NEB: variants seen among roughly 807,000 people sequenced by gnomAD.
NEB encodes nemaline myopathy type 2.
NEB carries 512 observed loss-of-function variants against 952.2 expected under a neutral mutation model. That is an observed-to-expected ratio of 0.54 (90% confidence interval 0.50 to 0.58). NEB has a LOEUF of 0.58. Among genes scored for constraint, NEB ranks in the 20% least tolerant of loss-of-function variants. The pLI, the probability that NEB is intolerant of heterozygous loss-of-function variation, is 0.00. For missense variants in NEB, 8,428 were observed against 9,231.1 expected, an observed-to-expected ratio of 0.91 and a Z score of 3.56; for synonymous variants, 2,900 against 3,149.8, an observed-to-expected ratio of 0.92 and a Z score of 2.66.
In NEB at chr2:151,526,239, G is replaced by A. The variant is rs554809115; in HGVS notation, c.21969C>T (p.Val7323=). The part of the protein sequence containing the change: ...ESDLKYKEKH[V]KERGTCHAVP... ...CGGCATGGCAGGTTCCTCTTTCCTT[G>A]ACATGTTTCTCTTTGTATTTCAGCT... The change falls in exon 149 of 182, where the codon GTC becomes GTT. Residue 7323 remains valine, a synonymous_variant. Coordinates refer to ENST00000397345, the MANE Select transcript of NEB (RefSeq NM_001164508.2). 1.2e-5 allele frequency: 19 copies of A among 1,612,534 alleles called. No individual in the cohort carries two copies. The South Asian group carries it at 1.2e-4, about 10-fold the overall frequency.
chr2:151,497,976 C>G (rs2061441950), intron 170 of NEB: 2 of 1,436,000 alleles, frequency 1.4e-6, no homozygotes, highest in East Asian at 2.5e-5. Flanking sequence ...AGTACGGTGC[C>G]TCCTAAACAA....
At chr2:151,499,965 TA>T (rs1277002758) in intron 168 of NEB, among the ~76,000 whole-genome samples, 3 of 152,142 alleles carry the variant, frequency 2.0e-5, no homozygotes, top group Non-Finnish European at 4.4e-5. Flanking sequence ...ATGGTTACTT[TA>T]AAAAAAGTCC....
intron 77 of NEB, 104 bp from the exon 78 acceptor site, chr2:151,612,493 T>C (rs1579285901): frequency 8.6e-7 from 1 of 1,157,288 alleles, no homozygotes; most frequent in East Asian, 2.6e-5. Flanking sequence ...GAATCTTATT[T>C]GTGTAAATTT....
At chr2:151,649,052 G>T (rs1228310105) in intron 54 of NEB, among the ~76,000 whole-genome samples, 1 of 152,108 alleles carries the variant, frequency 6.6e-6, no homozygotes, top group Non-Finnish European at 1.5e-5. Flanking sequence ...TTCTCATTTG[G>T]TCACCTTATT....
rs777055902 is a variant in NEB, at chr2:151,655,282, T to C, written c.6795A>G (p.Thr2265=). ...TATATAAATTTACCTGACTATACAG[T>C]GTTTGATTCTGCTTGGCTTGTAAAA... ...PDILQAKQNQ[T]LYSQKLYKLG... is the part of the protein sequence containing the mutation. The change falls in exon 51 of 182, where the codon ACA becomes ACG. Residue 2265 remains threonine, a synonymous_variant. Coordinates refer to ENST00000397345, the MANE Select transcript of NEB (RefSeq NM_001164508.2). 2.6e-6 allele frequency: 4 copies of C among 1,565,776 alleles called. No homozygotes were observed. The East Asian group carries it at 9.0e-5, about 35-fold the overall frequency.
chr2:151,497,393 T>TA (rs1488196784), intron 171 of NEB: 10 of 978,602 alleles, frequency 1.0e-5, no homozygotes, highest in Non-Finnish European at 1.2e-5. Context: ...CTCATTATTT[T>TA]AAAAAAAAGA....
At chr2:151,657,772 G>A (rs190106012) in intron 48 of NEB, among the ~76,000 whole-genome samples, 5 of 152,260 alleles carry the variant, frequency 3.3e-5, no homozygotes, top group Admixed American at 3.3e-4. Context: ...CATGAGTCAG[G>A]GAGCTGACAT....
In NEB at chr2:151,569,300, G is replaced by C. The variant is rs749780816; in HGVS notation, c.17503C>G (p.His5835Asp). ...AAGATGTCCGCGGCATGTTTGGCAT[G>C]ATTGACGGACACGGAGTCATTTGGC... ...WMPNDSVSVN[H>D]AKHAADIFSE... The change falls in exon 110 of 182, where the codon CAT becomes GAT. Residue 5835 changes from histidine to aspartate, a missense_variant. His to Asp is a moderately conservative substitution (Grantham distance 81). Around this residue, in one of 11 missense-constraint regions of NEB, gnomAD observed 3,374 missense variants for 3,651.5 expected, o/e 0.92. Coordinates refer to ENST00000397345, the MANE Select transcript of NEB (RefSeq NM_001164508.2). 2.5e-6 allele frequency: 4 copies of C among 1,613,920 alleles called. No homozygotes were observed. The Admixed American group carries it at 6.7e-5, about 27-fold the overall frequency.
At position 151,537,942 on chromosome 2, in the gene NEB, C is replaced by A; in HGVS notation, c.21032G>T (p.Gly7011Val). ...ACGATCAGGAATGGACCTCCAGATA[C>A]CCAACTGGCTCATGTAGTTCTCCTT... ...KYKENYMSQL[G>V]IWRSIPDRPE... The change falls in exon 140 of 182, where the codon GGT (glycine) becomes GTT (valine). Residue 7011 changes from glycine to valine, a missense_variant. Gly to Val is a moderately radical substitution (Grantham distance 109). This residue lies in a region of NEB where 3,374 missense variants were observed against 3,651.5 expected (regional missense o/e 0.92). Transcript: ENST00000397345. The A allele has an allele frequency of 6.2e-7, 1 of 1,613,438 alleles. No homozygotes were observed. Among genetic ancestry groups the A allele is most frequent in the Non-Finnish European group, 8.5e-7 (1 of 1,179,570 alleles).
rs758674971 is a variant in NEB, at chr2:151,697,273, G to T, written c.1366-21C>A. ...TTTTTCTATGAGGAGAAGAAATTAGGCATAAGATGCAGCCATTGTATTCAT... is the reference window on the plus strand; with the variant it reads ...TTTTTCTATGAGGAGAAGAAATTAGTCATAAGATGCAGCCATTGTATTCAT... On this transcript the variant is annotated intron_variant, in intron 15 of 181. Coordinates refer to ENST00000397345, the MANE Select transcript of NEB (RefSeq NM_001164508.2). 5 of 1,609,950 alleles carry T rather than the reference G, an allele frequency of 3.1e-6. No homozygotes were observed. The African/African-American group carries it at 6.7e-5, about 22-fold the overall frequency.
Position 151,663,585 on chromosome 2 carries a change from A to C in NEB, c.5726T>G (p.Phe1909Cys). The change falls in exon 45 of 182, where the codon TTT becomes TGT. Residue 1909 changes from phenylalanine to cysteine, a missense_variant. By Grantham distance (205) the Phe-to-Cys change is radical. Transcript: ENST00000397345. ...TYNMLPDAMSFELAKNMMQIQ... is the reference protein window; with the variant it reads ...TYNMLPDAMSCELAKNMMQIQ... ...CTGCATCATATTTTTGGCCAATTCAAAGCTCATGGCATCAGGAAGCATGTT... is the reference window on the plus strand; with the variant it reads ...CTGCATCATATTTTTGGCCAATTCACAGCTCATGGCATCAGGAAGCATGTT... 6.2e-7 allele frequency: 1 copy of C among 1,612,424 alleles called. No homozygotes were observed. The highest frequency in any genetic ancestry group is 8.5e-7 in the Non-Finnish European group (1 of 1,178,634).
At chr2:151,670,137 G>A (rs1434722732) in intron 38 of NEB, among the ~76,000 whole-genome samples, 1 of 152,126 alleles carries the variant, frequency 6.6e-6, no homozygotes, top group African/African-American at 2.4e-5. Context: ...ATCTCGCTCA[G>A]TACAAAAGAA....
intron 124 of NEB, among the ~76,000 whole-genome samples, chr2:151,559,862 C>A (rs1386905196): frequency 6.6e-6 from 1 of 152,094 alleles, no homozygotes; most frequent in Non-Finnish European, 1.5e-5. Context: ...ATGGGTGCAG[C>A]AAACCACCAT....
At chr2:151,639,445 T>G in intron 62 of NEB, 61 bp from the exon 63 acceptor site, 3 of 1,223,022 alleles carry the variant, frequency 2.5e-6, no homozygotes, top group Non-Finnish European at 3.3e-6. Flanking sequence ...TAATAGGAAT[T>G]TTAGGGCCAC....
At chr2:151,638,694 ACT>A (rs1560810370) in intron 63 of NEB, among the ~76,000 whole-genome samples, 5 of 151,598 alleles carry the variant, frequency 3.3e-5, no homozygotes. Flanking sequence ...TGGAGGCTTG[ACT>A]CTCTGCCTAA....
In NEB at chr2:151,531,823, C is replaced by T. The variant is rs16830171; in HGVS notation, c.21491G>A (p.Arg7164His). 599 of 1,612,914 alleles carry T rather than the reference C, an allele frequency of 3.7e-4. 10 individuals carry two copies. In the South Asian group the frequency reaches 5.3e-3, roughly 14 times the overall value. ...TSIVDTPEHL[R>H]TTKVNKQISD... is the part of the protein sequence containing the mutation. ...GATTTGTTTGTTGACTTTTGTAGTA[C>T]GCAGGTGTTCTGGAGTATCCACAAT... Residue 7164 changes from arginine to histidine, a missense_variant, in exon 144 of 182, where the codon CGT (arginine) becomes CAT (histidine). By Grantham distance (29) the Arg-to-His change is conservative. Coordinates refer to ENST00000397345, the MANE Select transcript of NEB (RefSeq NM_001164508.2).
chr2:151,675,533 C>T lies in NEB; in HGVS notation c.3775-142G>A, dbSNP rs2154200105. 4.9e-6 allele frequency: 3 copies of T among 606,784 alleles called. No homozygotes were observed. In the African/African-American group the frequency reaches 5.6e-5, roughly 11 times the overall value. The allele number at this position is 606,784 out of a possible 1,614,324, so 37.6% of individuals were successfully genotyped here. On this transcript the variant is annotated intron_variant, in intron 34 of 181. Coordinates refer to ENST00000397345, the MANE Select transcript of NEB (RefSeq NM_001164508.2). ...CATTTTCCTATTTTTTTAAATAAAACAAGCATCTTATTATCTTTAATACCA... is the reference window on the plus strand; with the variant it reads ...CATTTTCCTATTTTTTTAAATAAAATAAGCATCTTATTATCTTTAATACCA...
rs1449420410 is a variant in NEB, at chr2:151,695,657, C to G, written c.1595G>C (p.Ser532Thr). The stretch of plus-strand genomic sequence containing the variant: ...GGGGATATGGCACTTGAACTTTTCA[C>G]TTTCATGTTTTGCTTTGTAATTTAA... Reference protein sequence around the residue: ...SDLNYKAKHESEKFKCHIPPD... With the variant: ...SDLNYKAKHETEKFKCHIPPD... Residue 532 changes from serine (S) to threonine (T), a missense_variant, in exon 18 of 182, where the codon AGT becomes ACT. Ser to Thr is a moderately conservative substitution (Grantham distance 58). Around this residue, in one of 11 missense-constraint regions of NEB, gnomAD observed 2,851 missense variants for 2,791.5 expected, o/e 1.02. Coordinates refer to ENST00000397345, the MANE Select transcript of NEB (RefSeq NM_001164508.2). 6.2e-7 allele frequency: 1 copy of G among 1,613,690 alleles called. No individual in the cohort carries two copies. The highest frequency in any genetic ancestry group is 8.5e-7 in the Non-Finnish European group (1 of 1,179,732).
intron 153 of NEB, among the ~76,000 whole-genome samples, chr2:151,522,678 A>G (rs924453249): frequency 3.8e-4 from 58 of 152,372 alleles, no homozygotes; most frequent in African/African-American, 1.3e-3. Flanking sequence ...ATGCCAAGAA[A>G]GTAGACAAGA....
Sources: allele counts gnomAD v4.1 joint callset (sites outside exome capture counted in the v4.1 genomes callset), GRCh38; gene constraint gnomAD v4.1.1; regional missense constraint gnomAD v4.1.1; transcripts MANE v1.5; gene names NCBI Gene and HGNC (gene_info 2026-07-23, HGNC 2026-07-21).